RALGAPA2: variants seen among roughly 807,000 people sequenced by gnomAD.
RALGAPA2 encodes Ral GTPase activating protein catalytic subunit alpha 2.
A neutral mutation model predicts 230.4 loss-of-function variants in RALGAPA2; 139 were observed. The ratio of observed to expected loss-of-function variants is 0.60; its 90% CI spans 0.53 to 0.69. The LOEUF is 0.69. RALGAPA2 is among the 30% of genes least tolerant of loss of function. The pLI is 0.00. For synonymous variants in RALGAPA2, 847 were observed against 837.8 expected (o/e 1.01, Z -0.19); for missense variants, 2,163 against 2,276.0 (o/e 0.95, Z 1.01).
At chr20:20,667,723 C>T (rs2068003497) in intron 3 of RALGAPA2, among the ~76,000 whole-genome samples, 1 of 152,132 alleles carries the variant, frequency 6.6e-6, no homozygotes, top group Admixed American at 6.5e-5. Flanking sequence ...TCCTGGAGTG[C>T]ACTGAAACTG....
intron 37 of RALGAPA2, among the ~76,000 whole-genome samples, chr20:20,468,367 C>T (rs919832307): frequency 2.0e-5 from 3 of 152,176 alleles, no homozygotes; most frequent in African/African-American, 7.2e-5. Flanking sequence ...ATTCTGGCTG[C>T]CGCTCTTCAA....
intron 38 of RALGAPA2, among the ~76,000 whole-genome samples, chr20:20,400,302 G>C (rs1288650292): frequency 6.6e-6 from 1 of 152,216 alleles, no homozygotes; most frequent in Non-Finnish European, 1.5e-5. Context: ...TCTGGGTTTG[G>C]CTTCCTCTTT....
intron 35 of RALGAPA2, among the ~76,000 whole-genome samples, chr20:20,501,957 T>C (rs532229856): frequency 6.6e-6 from 1 of 152,136 alleles, no homozygotes; most frequent in Non-Finnish European, 1.5e-5. Context: ...TGAATTAAGT[T>C]TGCCATCTTA....
At chr20:20,518,588 CTT>C (rs1483914410) in intron 31 of RALGAPA2, among the ~76,000 whole-genome samples, 4 of 152,128 alleles carry the variant, frequency 2.6e-5, no homozygotes, top group Non-Finnish European at 5.9e-5. Flanking sequence ...TTAAAAACTC[CTT>C]TGTCAGAGAA....
intron 23 of RALGAPA2, among the ~76,000 whole-genome samples, chr20:20,548,071 C>G (rs2063821410): frequency 6.6e-6 from 1 of 152,012 alleles, no homozygotes. Flanking sequence ...AGTAACGTGA[C>G]TTATAGTTAT....
In RALGAPA2 at chr20:20,555,598, T is replaced by C. The variant is rs560380779; in HGVS notation, c.3157-8766A>G. Among the ~76,000 whole-genome samples the C allele has an allele frequency of 4.6e-5, 7 of 152,346 alleles. No homozygotes were observed. The East Asian group carries it at 1.3e-3, about 29-fold the overall frequency. ...TAGTTTTTAAAGTCCTACAGCAAGG[T>C]TTGCAGTTTTCAGTGCAAGTCTTGG... On this transcript the variant is annotated intron_variant, in intron 23 of 39. Transcript: ENST00000202677.
At chr20:20,461,817 A>G in intron 37 of RALGAPA2, among the ~76,000 whole-genome samples, 1 of 152,248 alleles carries the variant, frequency 6.6e-6, no homozygotes, top group East Asian at 1.9e-4. Flanking sequence ...CCAGGCATAC[A>G]TCTGCCTCAA....
At chr20:20,445,606 T>C (rs1022594558) in intron 37 of RALGAPA2, among the ~76,000 whole-genome samples, 10 of 152,204 alleles carry the variant, frequency 6.6e-5, no homozygotes. Context: ...AATTAGGCTA[T>C]TTTCTCCATG....
intron 10 of RALGAPA2, 127 bp from the exon 11 acceptor site, chr20:20,620,757 A>G (rs1365717633): frequency 1.3e-6 from 1 of 751,460 alleles, no homozygotes; most frequent in Admixed American, 3.1e-5. Context: ...TTATAAATAT[A>G]CTACACAGGG....
intron 37 of RALGAPA2, among the ~76,000 whole-genome samples, chr20:20,451,435 T>C (rs2060987073): frequency 6.6e-6 from 1 of 152,172 alleles, no homozygotes; most frequent in Non-Finnish European, 1.5e-5. Context: ...TAGGTTGAAG[T>C]TCCTTTATAA....
chr20:20,511,162 C>T, intron 33 of RALGAPA2, 92 bp downstream of exon 33: 1 of 1,517,312 alleles, frequency 6.6e-7, no homozygotes. Flanking sequence ...TTGGATGTCT[C>T]AGTAAGTCTA....
At chr20:20,620,078 T>G (rs890294608) in intron 11 of RALGAPA2, among the ~76,000 whole-genome samples, 1 of 152,224 alleles carries the variant, frequency 6.6e-6, no homozygotes, top group Non-Finnish European at 1.5e-5. Flanking sequence ...ACAACAAAAG[T>G]CTACCCAAAC....
intron 24 of RALGAPA2, among the ~76,000 whole-genome samples, chr20:20,545,520 CA>C (rs1372000168): frequency 6.6e-6 from 1 of 152,036 alleles, no homozygotes; most frequent in Non-Finnish European, 1.5e-5. Flanking sequence ...AATTTAAAAC[CA>C]AGGGCTTGAA....
At chr20:20,541,992 T>C (rs1568557322) in intron 24 of RALGAPA2, among the ~76,000 whole-genome samples, 1 of 152,236 alleles carries the variant, frequency 6.6e-6, no homozygotes, top group Non-Finnish European at 1.5e-5. Context: ...GATGACATGA[T>C]TGTATATTTA....
At chr20:20,540,680 G>T (rs1568555698) in intron 24 of RALGAPA2, among the ~76,000 whole-genome samples, 1 of 152,052 alleles carries the variant, frequency 6.6e-6, no homozygotes, top group Non-Finnish European at 1.5e-5. Context: ...AACACTTCAT[G>T]TGAATTTGAC....
chr20:20,594,767 C>T (rs544916258), intron 16 of RALGAPA2, among the ~76,000 whole-genome samples: 2 of 140,596 alleles, frequency 1.4e-5, no homozygotes, highest in South Asian at 4.5e-4. Flanking sequence ...CTCGCTCTGT[C>T]GGCCAGGCTG....
Position 20,520,945 on chromosome 20 carries a change from T to A in RALGAPA2, c.4056A>T (p.Glu1352Asp). The change falls in exon 31 of 40, where the codon GAA (glutamate) becomes GAT (aspartate). Residue 1352 changes from glutamate to aspartate, a missense_variant. By Grantham distance (45) the Glu-to-Asp change is conservative (BLOSUM62 2). Transcript: ENST00000202677. Reference protein sequence around the residue: ...SEPVQYHSSAELGNLLTVEEE... With the variant: ...SEPVQYHSSADLGNLLTVEEE... Reference sequence around the variant, plus strand: ...CTTCAACAGTCAGCAGGTTACCCAATTCTGCTGATGAATGATACTGGACTG... The same window carrying A: ...CTTCAACAGTCAGCAGGTTACCCAAATCTGCTGATGAATGATACTGGACTG... 6.2e-7 allele frequency: 1 copy of A among 1,612,282 alleles called. No individual in the cohort carries two copies. The highest frequency in any genetic ancestry group is 1.1e-5 in the South Asian group (1 of 90,940).
At chr20:20,627,961 T>C (rs1238333098) in intron 10 of RALGAPA2, among the ~76,000 whole-genome samples, 1 of 152,034 alleles carries the variant, frequency 6.6e-6, no homozygotes, top group Non-Finnish European at 1.5e-5. Flanking sequence ...TTAACACCTG[T>C]AATTTGGGGT....
rs570599132 is a variant in RALGAPA2 at position 20,660,655 on chromosome 20, A to G, written c.271-7068T>C. ...ACAGTAAAGTGAAAAGTAAAGCTTG[A>G]AAGTTTTGTATTTAAGAACCTCCCA... On this transcript the variant is annotated intron_variant, in intron 3 of 39. Transcript: ENST00000202677. Among the ~76,000 whole-genome samples, 4 of 152,296 alleles carry G rather than the reference A, an allele frequency of 2.6e-5. No homozygotes were observed. The Middle Eastern group carries it at 0.014, about 518-fold the overall frequency.
Sources: allele counts gnomAD v4.1 joint callset (sites outside exome capture counted in the v4.1 genomes callset), GRCh38; gene constraint gnomAD v4.1.1; transcripts MANE v1.5; gene names NCBI Gene and HGNC (gene_info 2026-07-23, HGNC 2026-07-21).